The following GLMN variants were observed in gnomAD, a reference collection of about 807,000 sequenced individuals.
GLMN encodes the protein glomulin.
A neutral mutation model predicts 87.8 loss-of-function variants in GLMN; 75 were observed. That is an observed-to-expected ratio of 0.85 (90% CI 0.71 to 1.04). The LOEUF is 1.04. Among genes scored for constraint, GLMN ranks in the 50% least tolerant of loss-of-function variants. The pLI, the probability that GLMN is intolerant of heterozygous loss-of-function variation, is 0.00. For missense variants in GLMN, 588 were observed against 658.8 expected (o/e 0.89, Z 1.18); for synonymous variants, 206 against 221.6 (o/e 0.93, Z 0.63).
At chr1:92,297,115 C>CTTT (rs1034040272) in intron 3 of GLMN, among the ~76,000 whole-genome samples, 7 of 118,322 alleles carry the variant, frequency 5.9e-5, no homozygotes, top group Admixed American at 2.6e-4. Context: ...TGTTTCTTTT[C>CTTT]TTTTTTTTTT....
chr1:92,288,036 GT>G (rs757014686), intron 6 of GLMN, among the ~76,000 whole-genome samples: 7,063 of 143,204 alleles, frequency 0.049, 564 homozygotes, highest in African/African-American at 0.17. Flanking sequence ...GTATTTTACT[GT>G]TTTTTTTTTT....
the GLMN span, among the ~76,000 whole-genome samples, chr1:92,309,539 AC>A: frequency 7.3e-4 from 3 of 4,120 alleles, no homozygotes; most frequent in Admixed American, 8.7e-3. Flanking sequence ...CAGGCTACAC[AC>A]ATACACATAC....
At chr1:92,317,455 C>T in the GLMN span, among the ~76,000 whole-genome samples, 1 of 151,774 alleles carries the variant, frequency 6.6e-6, no homozygotes, top group African/African-American at 2.4e-5. Context: ...TTGCAGTGAG[C>T]CGAGATTGTG....
chr1:92,308,581 C>T, the GLMN span, among the ~76,000 whole-genome samples: 1 of 152,154 alleles, frequency 6.6e-6, no homozygotes, highest in Non-Finnish European at 1.5e-5. Context: ...ACCTCAACTG[C>T]TTCAAAACCA....
chr1:92,267,150 A>T (rs1655730757), intron 11 of GLMN, among the ~76,000 whole-genome samples: 1 of 152,206 alleles, frequency 6.6e-6, no homozygotes, highest in Non-Finnish European at 1.5e-5. Flanking sequence ...CATAACTAAC[A>T]AAGAGGATTG....
At position 92,247,117 on chromosome 1, in the gene GLMN, G is replaced by T; in HGVS notation, c.1613C>A (p.Ser538Tyr). ...QEAQKSKDLC[S>Y]ITVSGEEIPN... is the part of the protein sequence containing the mutation. ...GATCTCTTCTCCACTTACAGTTATA[G>T]AACAAAGATCTTTAGATTTCTGGGC... is the stretch of plus-strand genomic sequence containing the variant. Residue 538 changes from serine to tyrosine, a missense_variant, in exon 18 of 19, where the codon TCT (serine) becomes TAT (tyrosine). Ser to Tyr is a moderately radical substitution (Grantham distance 144). Transcript: ENST00000370360. The T allele has an allele frequency of 6.4e-7, 1 of 1,566,872 alleles. No homozygotes were observed. Among genetic ancestry groups the T allele is most frequent in the Non-Finnish European group, 8.8e-7 (1 of 1,138,038 alleles).
chr1:92,297,683 G>A (rs1002014832), intron 2 of GLMN, 154 bp from the exon 3 acceptor site: 1 of 698,478 alleles, frequency 1.4e-6, no homozygotes, highest in Non-Finnish European at 2.4e-6. Context: ...TCAAAATTAG[G>A]ATTACCCTAA....
At chr1:92,292,593 T>C (rs1380132559) in intron 3 of GLMN, among the ~76,000 whole-genome samples, 3 of 148,288 alleles carry the variant, frequency 2.0e-5, no homozygotes, top group Non-Finnish European at 4.5e-5. Flanking sequence ...TGCCTTTTTT[T>C]TTTTTTTTTT....
the GLMN span, among the ~76,000 whole-genome samples, chr1:92,316,901 A>G: frequency 6.6e-6 from 1 of 152,228 alleles, no homozygotes. Context: ...CATTCTTTAT[A>G]GATTGGGGAT....
intron 1 of GLMN, 138 bp from the exon 2 acceptor site, chr1:92,298,167 T>C (rs1650360694): frequency 1.7e-6 from 1 of 585,468 alleles, no homozygotes; most frequent in East Asian, 2.9e-5. Context: ...TTTGGTCCAA[T>C]AGCATGCTAG....
At chr1:92,346,195 G>A in the GLMN span, among the ~76,000 whole-genome samples, 7 of 147,764 alleles carry the variant, frequency 4.7e-5, no homozygotes, top group Non-Finnish European at 4.5e-5. Flanking sequence ...ACAGGGTCTC[G>A]CTCTGTTGCC....
At chr1:92,339,159 A>G in the GLMN span, among the ~76,000 whole-genome samples, 13 of 152,210 alleles carry the variant, frequency 8.5e-5, no homozygotes, top group Non-Finnish European at 1.2e-4. Context: ...TCTTTTTTAA[A>G]AAACTATTCT....
At chr1:92,299,310 A>G (rs551446593), upstream of GLMN, among the ~76,000 whole-genome samples, 2 of 152,288 alleles carry the variant, frequency 1.3e-5, no homozygotes, top group East Asian at 3.9e-4. Context: ...ACCTCCTGGG[A>G]AAGATTTCCT....
At chr1:92,293,148 A>G (rs915794241) in intron 3 of GLMN, among the ~76,000 whole-genome samples, 2 of 152,186 alleles carry the variant, frequency 1.3e-5, no homozygotes, top group African/African-American at 4.8e-5. Context: ...AAAATTGGCA[A>G]AAGATTTGAA....
At chr1:92,267,610 A>T (rs1655787363) in intron 11 of GLMN, among the ~76,000 whole-genome samples, 1 of 152,034 alleles carries the variant, frequency 6.6e-6, no homozygotes, top group Admixed American at 6.6e-5. Flanking sequence ...AGGCTGAGGC[A>T]GGAGAATGGA....
At chr1:92,324,361 C>T in the GLMN span, 5 of 1,612,538 alleles carry the variant, frequency 3.1e-6, no homozygotes, top group Non-Finnish European at 4.2e-6. Context: ...CACCAAATCA[C>T]AAGACTCAGA....
At chr1:92,335,072 G>T in the GLMN span, among the ~76,000 whole-genome samples, 1 of 152,190 alleles carries the variant, frequency 6.6e-6, no homozygotes, top group Non-Finnish European at 1.5e-5. Context: ...TTGAGCACGA[G>T]AGTTTGAGTC....
At chr1:92,326,725 A>C in the GLMN span, among the ~76,000 whole-genome samples, 1 of 152,198 alleles carries the variant, frequency 6.6e-6, no homozygotes, top group Non-Finnish European at 1.5e-5. Flanking sequence ...GCAGGTTGTC[A>C]GGGAAGTGGG....
At chr1:92,360,198 A>G in the GLMN span, among the ~76,000 whole-genome samples, 1 of 152,246 alleles carries the variant, frequency 6.6e-6, no homozygotes, top group African/African-American at 2.4e-5. Context: ...AAGTGTCAAG[A>G]AAAATGTAGT....
Sources: allele counts gnomAD v4.1 joint callset (sites outside exome capture counted in the v4.1 genomes callset), GRCh38; gene constraint gnomAD v4.1.1; transcripts MANE v1.5; gene names NCBI Gene and HGNC (gene_info 2026-07-23, HGNC 2026-07-21).